GNE: variants seen among roughly 807,000 people sequenced by gnomAD.
GNE encodes glucosamine (UDP-N-acetyl)-2-epimerase/N-acetylmannosamine kinase, also known as bifunctional UDP-N-acetylglucosamine 2-epimerase/N-acetylmannosamine kinase.
GNE carries 41 observed loss-of-function variants against 61.8 expected under a neutral mutation model. That is an observed-to-expected ratio of 0.66 (90% CI 0.52 to 0.86). The LOEUF (loss-of-function observed/expected upper bound fraction) is 0.86, where lower values mean the gene tolerates loss of function less well. GNE is among the 40% of genes least tolerant of loss of function. GNE has a pLI of 0.00. For missense variants in GNE, 608 were observed against 909.1 expected, an observed-to-expected ratio of 0.67 and a Z score of 4.26; for synonymous variants, 264 against 326.4, an observed-to-expected ratio of 0.81 and a Z score of 2.06.
At chr9:36,269,547 A>C (rs1830941543) in intron 1 of GNE, among the ~76,000 whole-genome samples, 1 of 151,990 alleles carries the variant, frequency 6.6e-6, no homozygotes, top group South Asian at 2.1e-4. Context: ...ACTTTCATTC[A>C]GACTCAAAAT....
At chr9:36,226,847 C>T (rs900484794) in intron 7 of GNE, among the ~76,000 whole-genome samples, 1 of 152,170 alleles carries the variant, frequency 6.6e-6, no homozygotes, top group Non-Finnish European at 1.5e-5. Context: ...GGAAAATCCA[C>T]ACAACTGATC....
intron 7 of GNE, among the ~76,000 whole-genome samples, chr9:36,226,728 T>C (rs1828881175): frequency 6.6e-6 from 1 of 152,242 alleles, no homozygotes; most frequent in Admixed American, 6.5e-5. Flanking sequence ...ATGAACAGTT[T>C]GTTATTTTTA....
intron 7 of GNE, among the ~76,000 whole-genome samples, chr9:36,224,179 C>T (rs747040531): frequency 3.3e-5 from 5 of 152,102 alleles, no homozygotes; most frequent in South Asian, 4.1e-4. Context: ...TAGTGGCTCA[C>T]GCCTGTAATC....
At position 36,258,382 on chromosome 9, in the gene GNE, A is replaced by G; in HGVS notation, c.-104T>C. 2 of 985,500 alleles carry G rather than the reference A, an allele frequency of 2.0e-6. No individual in the cohort carries two copies. Among genetic ancestry groups the G allele is most frequent in the Non-Finnish European group, 2.4e-6 (2 of 829,994 alleles). 61.0% of individuals were successfully genotyped at this position (985,500 alleles called of 1,614,324 possible). On this transcript the variant is annotated 5_prime_UTR_variant, in exon 1 of 12. Transcript: ENST00000642385. ...GCGCTCCTCGGGCGAGGGACGAACC[A>G]AGCGCCACGAAGCAGGCAGAGCGCG... is the stretch of plus-strand genomic sequence containing the variant.
At position 36,217,021 on chromosome 9, in the gene GNE, G is replaced by C; in HGVS notation, c.*344C>G. 1 of 355,366 alleles carries C rather than the reference G, an allele frequency of 2.8e-6. No homozygotes were observed. Among genetic ancestry groups the C allele is most frequent in the Non-Finnish European group, 5.4e-6 (1 of 184,610 alleles). The allele number at this position is 355,366 out of a possible 1,614,324, so 22.0% of individuals were successfully genotyped here. A position where few individuals can be genotyped will look rare whatever the true frequency, so the allele number is the denominator to read the frequency against. On this transcript the variant is annotated 3_prime_UTR_variant, in exon 12 of 12. Coordinates refer to ENST00000642385, the MANE Select transcript of GNE (RefSeq NM_005476.7). ...CAGGATGAAGTGATATCCCAGGCAA[G>C]GCCTGAAGGTCTCAGTGGTATTAAT...
intron 5 of GNE, among the ~76,000 whole-genome samples, chr9:36,230,985 C>A (rs1299592917): frequency 1.3e-5 from 2 of 150,514 alleles, no homozygotes; most frequent in Non-Finnish European, 3.0e-5. Flanking sequence ...GGCATCTGAT[C>A]CCCAGCCAAA....
intron 3 of GNE, among the ~76,000 whole-genome samples, chr9:36,243,673 T>G (rs917684195): frequency 6.6e-6 from 1 of 151,996 alleles, no homozygotes; most frequent in Non-Finnish European, 1.5e-5. Flanking sequence ...TGAGACCCCA[T>G]CTCTACAAAA....
chr9:36,247,338 A>G (rs1829929757), intron 2 of GNE, among the ~76,000 whole-genome samples: 1 of 152,154 alleles, frequency 6.6e-6, no homozygotes. Flanking sequence ...TACAGGTGTG[A>G]GCCACCGTGC....
At chr9:36,276,780 TGA>T in intron 1 of GNE, 6 of 800,740 alleles carry the variant, frequency 7.5e-6, no homozygotes, top group South Asian at 6.6e-5. Context: ...ATGATGGATT[TGA>T]TAGATTTAAA....
At chr9:36,263,162 C>T (rs1830662001), upstream of GNE, 1 of 148,482 alleles carries the variant, frequency 6.7e-6, no homozygotes, top group Non-Finnish European at 1.5e-5. Flanking sequence ...TCTCAAGGTT[C>T]ATCTCAGCCA....
intron 1 of GNE, chr9:36,265,045 G>T: frequency 3.4e-6 from 1 of 291,592 alleles, no homozygotes; most frequent in Non-Finnish European, 6.5e-6. Context: ...TCGCAGACCC[G>T]CCGCTGACTT....
At chr9:36,222,647 T>G in intron 9 of GNE, 130 bp downstream of exon 9, 1 of 790,500 alleles carries the variant, frequency 1.3e-6, no homozygotes, top group Non-Finnish European at 2.3e-6. Context: ...AGGCCACATG[T>G]GGCTCACCTT....
chr9:36,239,325 T>C (rs931309096), intron 3 of GNE, among the ~76,000 whole-genome samples: 3 of 152,278 alleles, frequency 2.0e-5, no homozygotes, highest in Admixed American at 6.5e-5. Flanking sequence ...TTTGGCAGTA[T>C]GGTCATTCTC....
At chr9:36,256,270 A>G in intron 1 of GNE, among the ~76,000 whole-genome samples, 1 of 107,442 alleles carries the variant, frequency 9.3e-6, no homozygotes, top group Non-Finnish European at 1.8e-5. Flanking sequence ...TTTTTTTGAG[A>G]CAGACAGCCT....
chr9:36,256,194 G>A (rs1175709569), intron 1 of GNE, among the ~76,000 whole-genome samples: 2 of 144,762 alleles, frequency 1.4e-5, no homozygotes, highest in African/African-American at 5.1e-5. Context: ...CAAAGTGCTT[G>A]GATTACAGGC....
intron 8 of GNE, 68 bp downstream of exon 8, chr9:36,223,305 G>A (rs1469120038): frequency 1.5e-6 from 2 of 1,373,220 alleles, no homozygotes; most frequent in African/African-American, 2.8e-5. Flanking sequence ...GCTCAGGCAT[G>A]CATCACAAGT....
intron 1 of GNE, among the ~76,000 whole-genome samples, 188 bp downstream of exon 1, chr9:36,258,133 G>A (rs1285841089): frequency 6.6e-6 from 1 of 152,216 alleles, no homozygotes; most frequent in Non-Finnish European, 1.5e-5. Context: ...CCTGAATTGG[G>A]CCAAAGAGGT....
In GNE at chr9:36,222,816, T is replaced by C. The variant is rs753313170; in HGVS notation, c.1594A>G (p.Lys532Glu). The C allele has an allele frequency of 3.1e-6, 5 of 1,614,172 alleles. No individual in the cohort carries two copies. The highest frequency in any genetic ancestry group is 1.1e-5 in the South Asian group (1 of 91,086). ...ALAERKFGQG[K>E]GLENFVTLIT... ...AGTGTAACAAAGTTTTCCAGTCCCTTTCCTTGGCCAAATTTCCTTTCCGCC... is the reference window on the plus strand; with the variant it reads ...AGTGTAACAAAGTTTTCCAGTCCCTCTCCTTGGCCAAATTTCCTTTCCGCC... Residue 532 changes from lysine to glutamate, a missense_variant, in exon 9 of 12, where the codon AAG becomes GAG. By Grantham distance (56) the Lys-to-Glu change is moderately conservative. Coordinates refer to ENST00000642385, the MANE Select transcript of GNE (RefSeq NM_005476.7).
chr9:36,223,416 A>T lies in GNE; in HGVS notation c.1368T>A (p.Ala456=), dbSNP rs779157758. The change falls in exon 8 of 12, where the codon GCT becomes GCA. Residue 456 remains alanine (A), a synonymous_variant. Transcript: ENST00000642385. ...INLILQMCVE[A]AAEAVKLNCR... is the part of the protein sequence containing the mutation. ...AGTTCAGTTTTACAGCTTCTGCTGC[A>T]GCTTCCACACACATCTGTAGGATTA... The T allele has an allele frequency of 4.3e-6, 7 of 1,613,410 alleles. No homozygotes were observed. The Admixed American group carries it at 1.2e-4, about 27-fold the overall frequency.
Sources: allele counts gnomAD v4.1 joint callset (sites outside exome capture counted in the v4.1 genomes callset), GRCh38; gene constraint gnomAD v4.1.1; transcripts MANE v1.5; gene names NCBI Gene and HGNC (gene_info 2026-07-23, HGNC 2026-07-21).